The following SPRED2 variants were observed in gnomAD, a reference collection of about 807,000 sequenced individuals.
SPRED2 encodes sprouty-related, EVH1 domain-containing protein 2.
SPRED2 carries 47 observed loss-of-function variants against 43.0 expected under a neutral mutation model. The observed-to-expected ratio is 1.09, with a 90% CI of 0.87 to 1.40. The LOEUF (loss-of-function observed/expected upper bound fraction) is 1.40. SPRED2 is among the 40% of genes most tolerant of loss of function. SPRED2 has a pLI of 0.00. For synonymous variants in SPRED2, 225 were observed against 225.7 expected, an observed-to-expected ratio of 1.00 and a Z score of 0.03; for missense variants, 561 against 586.4, an observed-to-expected ratio of 0.96 and a Z score of 0.45.
At chr2:65,314,353 G>A (rs1301406514) in intron 5 of SPRED2, among the ~76,000 whole-genome samples, 184 bp from the exon 6 acceptor site, 1 of 152,228 alleles carries the variant, frequency 6.6e-6, no homozygotes, top group Non-Finnish European at 1.5e-5. Flanking sequence ...CCCAGTCAGA[G>A]ATGTATTTCA....
rs1227390555 is a variant in SPRED2, at chr2:65,334,666, G to T, written c.312C>A (p.Ser104Arg). The T allele has an allele frequency of 2.5e-6, 4 of 1,614,208 alleles. No individual in the cohort carries two copies. The highest frequency in any genetic ancestry group is 3.4e-6 in the Non-Finnish European group (4 of 1,180,048). Reference sequence around the variant, plus strand: ...TGTCAAAGGCTCGGGCATCAGCAGGGCTTTGGAAAGTAAGTCCAAACTTCC... The same window carrying T: ...TGTCAAAGGCTCGGGCATCAGCAGGTCTTTGGAAAGTAAGTCCAAACTTCC... ...DNRKFGLTFQ[S>R]PADARAFDRG... Residue 104 changes from serine (S) to arginine (R), a missense_variant, in exon 3 of 6, where the codon AGC (serine) becomes AGA (arginine). By Grantham distance (110) the Ser-to-Arg change is moderately radical. Coordinates refer to ENST00000356388, the MANE Select transcript of SPRED2 (RefSeq NM_181784.3).
chr2:65,386,200 G>A (rs542872177), intron 1 of SPRED2, among the ~76,000 whole-genome samples: 16 of 147,114 alleles, frequency 1.1e-4, no homozygotes, highest in East Asian at 4.3e-4. Context: ...CAGGAGAATC[G>A]CTTGAACCCG....
intron 2 of SPRED2, among the ~76,000 whole-genome samples, chr2:65,336,295 C>T (rs1673964759): frequency 6.6e-6 from 1 of 152,082 alleles, no homozygotes; most frequent in African/African-American, 2.4e-5. Context: ...GCTGAGGCTG[C>T]AGTGAGCTGA....
chr2:65,407,911 G>C (rs1035928446), intron 1 of SPRED2, among the ~76,000 whole-genome samples: 1 of 152,164 alleles, frequency 6.6e-6, no homozygotes, highest in African/African-American at 2.4e-5. Flanking sequence ...ATCAAAAGCT[G>C]GGCAAGGGAG....
intron 1 of SPRED2, among the ~76,000 whole-genome samples, chr2:65,385,118 C>T (rs1271891744): frequency 1.3e-5 from 2 of 151,854 alleles, no homozygotes; most frequent in Non-Finnish European, 2.9e-5. Flanking sequence ...GGACTACAGG[C>T]GCACCACCAC....
rs1273049081 is a variant in SPRED2 at position 65,432,487 on chromosome 2, C to G, written c.-500G>C. The stretch of plus-strand genomic sequence containing the variant: ...GGTGCAGGGCGCCCCGTCCGAGCCC[C>G]ATCTCTCGACTCCACCGATTTACTC... On this transcript the variant is annotated 5_prime_UTR_variant, in exon 1 of 6. An upstream start codon of the reference 5' UTR is lost. Transcript: ENST00000356388. 6.4e-6 allele frequency: 1 copy of G among 156,630 alleles called. No individual in the cohort carries two copies. The highest frequency in any genetic ancestry group is 6.5e-5 in the Admixed American group (1 of 15,352). 9.7% of individuals were successfully genotyped at this position (156,630 alleles called of 1,614,324 possible).
At chr2:65,431,838 A>G in intron 1 of SPRED2, 124 bp downstream of exon 1, 1 of 1,182,016 alleles carries the variant, frequency 8.5e-7, no homozygotes, top group East Asian at 2.4e-5. Flanking sequence ...CAACGCCGAA[A>G]GGTCAGCGAG....
At chr2:65,365,272 T>A (rs1196823259) in intron 1 of SPRED2, among the ~76,000 whole-genome samples, 1 of 152,188 alleles carries the variant, frequency 6.6e-6, no homozygotes, top group Non-Finnish European at 1.5e-5. Flanking sequence ...TTAATGAAAT[T>A]TAGAGATGGT....
In SPRED2 at chr2:65,420,312, G is replaced by A. The variant is rs13391011; in HGVS notation, c.26+11650C>T. Among the ~76,000 whole-genome samples the A allele has an allele frequency of 1.2e-3, 180 of 151,876 alleles. 1 individual carries two copies. Among genetic ancestry groups the A allele is most frequent in the African/African-American group, 3.9e-3 (161 of 41,368 alleles). On this transcript the variant is annotated intron_variant, in intron 1 of 5. Transcript: ENST00000356388. Reference sequence around the variant, plus strand: ...CAGATTTCCCATTGTACCCACCTCCGTGTTGGAGTTATTGACAGCACAGGC... The same window carrying A: ...CAGATTTCCCATTGTACCCACCTCCATGTTGGAGTTATTGACAGCACAGGC...
At chr2:65,360,064 C>CA (rs1243375319) in intron 1 of SPRED2, among the ~76,000 whole-genome samples, 10,746 of 42,552 alleles carry the variant, frequency 0.25, 777 homozygotes, top group African/African-American at 0.33. Flanking sequence ...GACTCCATCT[C>CA]AAAAAAAAAA....
chr2:65,323,141 G>A (rs144055443), intron 4 of SPRED2, among the ~76,000 whole-genome samples: 3,739 of 152,164 alleles, frequency 0.025, 78 homozygotes, highest in Non-Finnish European at 0.033. Flanking sequence ...CCACAGGCAC[G>A]TGCCACCACA....
At chr2:65,375,031 AG>A (rs1402517194) in intron 1 of SPRED2, among the ~76,000 whole-genome samples, 3 of 152,216 alleles carry the variant, frequency 2.0e-5, no homozygotes, top group Non-Finnish European at 4.4e-5. Flanking sequence ...ATAGGTGCAC[AG>A]TTACCCTTTC....
chr2:65,344,687 A>G, intron 2 of SPRED2, 32 bp downstream of exon 2: 1 of 1,611,980 alleles, frequency 6.2e-7, no homozygotes, highest in Non-Finnish European at 8.5e-7. Flanking sequence ...GTTGTTACTA[A>G]TTTAACCCAC....
chr2:65,427,798 C>T (rs982888678), intron 1 of SPRED2, among the ~76,000 whole-genome samples: 1 of 152,218 alleles, frequency 6.6e-6, no homozygotes, highest in African/African-American at 2.4e-5. Flanking sequence ...GTCAGAACGA[C>T]TGAGGCTGGA....
chr2:65,333,270 A>G (rs960739523), intron 3 of SPRED2, among the ~76,000 whole-genome samples: 13 of 151,992 alleles, frequency 8.6e-5, no homozygotes, highest in Non-Finnish European at 1.6e-4. Context: ...AAAAAAAAAA[A>G]AAAAAGAAAA....
rs1022899440 is a variant in SPRED2 at position 65,311,968 on chromosome 2, C to T, written c.*1533G>A. ...GGAGCAGGCCATGTCTTCTGCTGGC[C>T]GCTACCACAGAAAGATCGTGGCGGG... On this transcript the variant is annotated 3_prime_UTR_variant, in exon 6 of 6. Coordinates refer to ENST00000356388, the MANE Select transcript of SPRED2 (RefSeq NM_181784.3). 8.5e-5 allele frequency: 84 copies of T among 985,172 alleles called. No homozygotes were observed. The highest frequency in any genetic ancestry group is 9.8e-5 in the Non-Finnish European group (81 of 829,964). The allele number at this position is 985,172 out of a possible 1,614,324, so 61.0% of individuals were successfully genotyped here.
intron 1 of SPRED2, among the ~76,000 whole-genome samples, chr2:65,362,217 TGCCA>T (rs1488172149): frequency 6.6e-6 from 1 of 152,156 alleles, no homozygotes; most frequent in African/African-American, 2.4e-5. Context: ...AGGGCTGAAG[TGCCA>T]GCCTGCTTCT....
In SPRED2 at chr2:65,320,520, A is replaced by C. The variant is rs373510047; in HGVS notation, c.439-3637T>G. 1.3e-3 allele frequency among the ~76,000 whole-genome samples: 192 copies of C among 152,326 alleles called. 1 individual carries two copies. The highest frequency in any genetic ancestry group is 4.4e-3 in the African/African-American group (183 of 41,570). ...TTGTCAGAGGATGTGAGACTGAGAA[A>C]GGCCTTATCTGATGACGAATTTCTA... On this transcript the variant is annotated intron_variant, in intron 4 of 5. Coordinates refer to ENST00000356388, the MANE Select transcript of SPRED2 (RefSeq NM_181784.3).
chr2:65,402,274 G>A (rs1241119735), intron 1 of SPRED2, among the ~76,000 whole-genome samples: 2 of 69,732 alleles, frequency 2.9e-5, no homozygotes, highest in African/African-American at 1.2e-4. Context: ...GTGAGACTCT[G>A]TCTCAAAAAA....
Sources: gnomAD v4.1 joint callset for allele counts (sites outside exome capture counted in the v4.1 genomes callset) on GRCh38, gnomAD v4.1.1 for gene constraint, MANE v1.5 for transcripts, NCBI Gene and HGNC (gene_info 2026-07-23, HGNC 2026-07-21) for gene names.